ITPRID1: variants seen among roughly 807,000 people sequenced by gnomAD.
ITPRID1 encodes protein ITPRID1.
Under a neutral mutation model 95.4 loss-of-function variants are expected in ITPRID1, and 96 were observed. The observed-to-expected ratio is 1.01, with a 90% CI of 0.85 to 1.19. The LOEUF is 1.19. ITPRID1 is among the 50% of genes most tolerant of loss of function. The probability of loss-of-function intolerance (pLI) is 0.00; values close to 1 mark genes in which losing one functional copy is unlikely to be tolerated. For synonymous variants in ITPRID1, 510 were observed against 453.6 expected, an observed-to-expected ratio of 1.12 and a Z score of -1.58; for missense variants, 1,339 against 1,252.9, an observed-to-expected ratio of 1.07 and a Z score of -1.04.
intron 1 of ITPRID1, among the ~76,000 whole-genome samples, chr7:31,548,132 G>T (rs138446383): frequency 6.6e-6 from 1 of 152,164 alleles, no homozygotes; most frequent in African/African-American, 2.4e-5. Context: ...TTGAAATTAG[G>T]ATTTTGGAGA....
In ITPRID1 at chr7:31,619,944, C is replaced by G. The variant is rs12535231; in HGVS notation, c.1229-22232C>G. Among the ~76,000 whole-genome samples, 569 of 152,292 alleles carry G rather than the reference C, an allele frequency of 3.7e-3. 8 individuals are homozygous for G. The East Asian group carries it at 0.073, about 19-fold the overall frequency. Reference sequence around the variant, plus strand: ...CCGACGGGCTTAAAAAACGGCGCACCAGGAGACTATATCCCGCACCTGGCT... The same window carrying G: ...CCGACGGGCTTAAAAAACGGCGCACGAGGAGACTATATCCCGCACCTGGCT... On this transcript the variant is annotated intron_variant, in intron 10 of 14. Coordinates refer to ENST00000615280, the MANE Select transcript of ITPRID1 (RefSeq NM_001257967.3).
intron 10 of ITPRID1, among the ~76,000 whole-genome samples, chr7:31,638,846 A>AG (rs1789735189): frequency 6.6e-6 from 1 of 152,006 alleles, no homozygotes; most frequent in Non-Finnish European, 1.5e-5. Context: ...ACCCAATCTC[A>AG]GCTTACTACA....
At chr7:31,560,019 TAAAC>T (rs1784574416) in intron 5 of ITPRID1, among the ~76,000 whole-genome samples, 1 of 152,084 alleles carries the variant, frequency 6.6e-6, no homozygotes, top group South Asian at 2.1e-4. Context: ...ATAGAGACAA[TAAAC>T]AAATAAATAC....
At chr7:31,540,400 T>G (rs1287206407) in intron 1 of ITPRID1, among the ~76,000 whole-genome samples, 1 of 152,196 alleles carries the variant, frequency 6.6e-6, no homozygotes, top group African/African-American at 2.4e-5. Context: ...ACACAGCTTA[T>G]TTTGGAAACT....
At chr7:31,572,073 T>A (rs759838933) in intron 6 of ITPRID1, 29 bp from the exon 7 acceptor site, 2 of 1,410,676 alleles carry the variant, frequency 1.4e-6, no homozygotes, top group Non-Finnish European at 2.0e-6. Context: ...AATCAACACA[T>A]CTCATTGTTG....
intron 10 of ITPRID1, among the ~76,000 whole-genome samples, chr7:31,620,616 C>T (rs1001667158): frequency 1.1e-4 from 16 of 150,372 alleles, no homozygotes; most frequent in Non-Finnish European, 2.4e-4. Flanking sequence ...CTGTACATCA[C>T]CATCATCAAA....
intron 10 of ITPRID1, among the ~76,000 whole-genome samples, chr7:31,622,325 C>T (rs949840095): frequency 6.6e-6 from 1 of 152,038 alleles, no homozygotes; most frequent in East Asian, 1.9e-4. Flanking sequence ...CACCACACCA[C>T]ACCTATTCAA....
At chr7:31,604,250 A>G (rs574846869) in intron 10 of ITPRID1, among the ~76,000 whole-genome samples, 1 of 152,310 alleles carries the variant, frequency 6.6e-6, no homozygotes, top group East Asian at 1.9e-4. Flanking sequence ...CCACCATGGG[A>G]GCAAGTGGAT....
intron 1 of ITPRID1, chr7:31,517,592 C>A (rs1053703785): frequency 1.3e-5 from 2 of 153,190 alleles, no homozygotes; most frequent in African/African-American, 2.4e-5. Flanking sequence ...GCCCAGCAGG[C>A]GCCGGGTGCG....
intron 1 of ITPRID1, among the ~76,000 whole-genome samples, chr7:31,534,637 T>G (rs1325127068): frequency 6.6e-6 from 1 of 152,210 alleles, no homozygotes; most frequent in Non-Finnish European, 1.5e-5. Context: ...TTTCAACGTC[T>G]CTCTGTGTCT....
intron 10 of ITPRID1, among the ~76,000 whole-genome samples, chr7:31,601,348 C>G (rs1009509284): frequency 2.0e-5 from 3 of 152,092 alleles, no homozygotes; most frequent in Admixed American, 6.6e-5. Context: ...GAGGTGAATT[C>G]TGGTTTTACC....
Position 31,551,088 on chromosome 7 carries a change from T to C in ITPRID1, c.-24+1589T>C, listed in dbSNP as rs1784272429. On this transcript the variant is annotated intron_variant, in intron 2 of 14. Transcript: ENST00000615280. The stretch of plus-strand genomic sequence containing the variant: ...GAGATTATTTTGGGGATCTTATTTT[T>C]CTGTGATATGTTATTCTTTTCTTCA... Among the ~76,000 whole-genome samples the C allele has an allele frequency of 2.1e-5, 3 of 143,444 alleles. 1 individual carries two copies. Among genetic ancestry groups the C allele is most frequent in the Non-Finnish European group, 3.1e-5 (2 of 63,648 alleles). 94.1% of individuals were successfully genotyped at this position (143,444 alleles called of 152,430 possible).
At chr7:31,519,606 CTCTCTCTCTCTCTCTATATA>C (rs200731686) in intron 1 of ITPRID1, among the ~76,000 whole-genome samples, 612 of 56,828 alleles carry the variant, frequency 0.011, 7 homozygotes, top group African/African-American at 0.034. Context: ...CTCTCTCTCT[CTCTCTCTCTCTCTCTATATA>C]TATATATATA....
intron 10 of ITPRID1, among the ~76,000 whole-genome samples, chr7:31,599,988 G>A (rs573981342): frequency 1.3e-5 from 2 of 152,058 alleles, no homozygotes; most frequent in East Asian, 3.9e-4. Context: ...GTGAGCCACC[G>A]CACCCAGCCA....
At position 31,655,981 on chromosome 7, in the gene ITPRID1, A is replaced by T; in HGVS notation, c.*3152A>T. Reference sequence around the variant, plus strand: ...ATCTCCAATTCTATTCCCCTAAACCACCTCCTGTGTTCCTGCTTCCTCTCC... The same window carrying T: ...ATCTCCAATTCTATTCCCCTAAACCTCCTCCTGTGTTCCTGCTTCCTCTCC... On this transcript the variant is annotated 3_prime_UTR_variant, in exon 15 of 15. Coordinates refer to ENST00000615280, the MANE Select transcript of ITPRID1 (RefSeq NM_001257967.3). The T allele has an allele frequency of 1.0e-6, 1 of 984,794 alleles. No individual in the cohort carries two copies. The highest frequency in any genetic ancestry group is 1.2e-6 in the Non-Finnish European group (1 of 829,768). 61.0% of individuals were successfully genotyped at this position (984,794 alleles called of 1,614,324 possible).
chr7:31,532,945 C>T (rs1175701694), intron 1 of ITPRID1, among the ~76,000 whole-genome samples: 1 of 152,034 alleles, frequency 6.6e-6, no homozygotes, highest in East Asian at 1.9e-4. Flanking sequence ...CTTTTTGTAT[C>T]TATGTTTATT....
intron 1 of ITPRID1, among the ~76,000 whole-genome samples, chr7:31,514,468 G>T (rs556679603): frequency 2.0e-5 from 3 of 152,162 alleles, no homozygotes; most frequent in Non-Finnish European, 4.4e-5. Flanking sequence ...TTTCCTGGAT[G>T]GGGGCAGAGG....
Position 31,522,129 on chromosome 7 carries a change from A to T in ITPRID1, c.-98+8009A>T, listed in dbSNP as rs114073592. Among the ~76,000 whole-genome samples the T allele has an allele frequency of 5.9e-3, 901 of 152,080 alleles. 6 individuals carry two copies. Among genetic ancestry groups the T allele is most frequent in the African/African-American group, 0.019 (781 of 41,476 alleles). The stretch of plus-strand genomic sequence containing the variant: ...GGACTGCGAACTCATTACTCATCTC[A>T]TTACTGAGTATTAGGAAGTTGTTTT... On this transcript the variant is annotated intron_variant, in intron 1 of 14. Transcript: ENST00000615280.
At chr7:31,591,711 C>T (rs547617427) in intron 10 of ITPRID1, among the ~76,000 whole-genome samples, 1 of 152,134 alleles carries the variant, frequency 6.6e-6, no homozygotes, top group Non-Finnish European at 1.5e-5. Context: ...GTGACATTGC[C>T]ACTCTTAGGA....
Sources: gnomAD v4.1 joint callset for allele counts (sites outside exome capture counted in the v4.1 genomes callset) on GRCh38, gnomAD v4.1.1 for gene constraint, MANE v1.5 for transcripts, NCBI Gene and HGNC (gene_info 2026-07-23, HGNC 2026-07-21) for gene names.